EYS: variants seen among roughly 807,000 people sequenced by gnomAD.
EYS encodes EGF-like photoreceptor maintenance factor.
EYS carries 250 observed loss-of-function variants against 282.1 expected under a neutral mutation model. The ratio of observed to expected loss-of-function variants is 0.89; its 90% CI spans 0.80 to 0.98. EYS has a LOEUF of 0.98. Ranked by LOEUF, EYS falls within the 50% of genes least tolerant of loss-of-function variation. The probability of loss-of-function intolerance (pLI) is 0.00; values close to 1 mark genes in which losing one functional copy is unlikely to be tolerated. For synonymous variants in EYS, 1,355 were observed against 1,282.9 expected, an observed-to-expected ratio of 1.06 and a Z score of -1.20; for missense variants, 4,016 against 3,709.0, an observed-to-expected ratio of 1.08 and a Z score of -2.15.
At chr6:65,400,890 TA>T (rs1766468882) in intron 7 of EYS, among the ~76,000 whole-genome samples, 1 of 151,934 alleles carries the variant, frequency 6.6e-6, no homozygotes, top group Non-Finnish European at 1.5e-5. Flanking sequence ...TTGGAAGGTA[TA>T]AGACAATTTC....
intron 31 of EYS, among the ~76,000 whole-genome samples, chr6:64,098,439 A>G (rs759374422): frequency 1.3e-5 from 2 of 152,122 alleles, no homozygotes; most frequent in Non-Finnish European, 2.9e-5. Context: ...ATTTACATAA[A>G]TTTTTAGAAA....
chr6:64,740,763 G>A (rs1274269726), intron 22 of EYS, among the ~76,000 whole-genome samples: 1 of 149,828 alleles, frequency 6.7e-6, no homozygotes, highest in Non-Finnish European at 1.5e-5. Context: ...ACCCAGGCTG[G>A]AGTGCAGTGG....
intron 29 of EYS, among the ~76,000 whole-genome samples, chr6:64,336,519 T>A (rs558513957): frequency 6.6e-6 from 1 of 152,096 alleles, no homozygotes; most frequent in Admixed American, 6.5e-5. Context: ...AGCAACACAA[T>A]AATTGTGGGG....
At chr6:64,222,549 T>G (rs1766134764) in intron 31 of EYS, among the ~76,000 whole-genome samples, 1 of 152,056 alleles carries the variant, frequency 6.6e-6, no homozygotes, top group African/African-American at 2.4e-5. Context: ...AACTAGAGAA[T>G]AGTATTTTCT....
At chr6:64,428,309 C>G (rs1042608430) in intron 28 of EYS, among the ~76,000 whole-genome samples, 2 of 152,018 alleles carry the variant, frequency 1.3e-5, no homozygotes, top group Non-Finnish European at 2.9e-5. Context: ...AAATTATAAA[C>G]TATCCACTTT....
intron 10 of EYS, among the ~76,000 whole-genome samples, chr6:65,339,937 A>G (rs926854477): frequency 6.6e-6 from 1 of 151,172 alleles, no homozygotes; most frequent in African/African-American, 2.4e-5. Flanking sequence ...AGTACATCCT[A>G]TAAGAAAAAA....
At chr6:64,547,992 C>G (rs189146788) in intron 26 of EYS, among the ~76,000 whole-genome samples, 1 of 152,350 alleles carries the variant, frequency 6.6e-6, no homozygotes, top group Admixed American at 6.5e-5. Flanking sequence ...CCAGCCAAGC[C>G]CATGCCCACC....
chr6:65,612,525 C>T (rs1262560451), intron 2 of EYS, among the ~76,000 whole-genome samples: 1 of 151,744 alleles, frequency 6.6e-6, no homozygotes, highest in East Asian at 1.9e-4. Context: ...TAGAAATATT[C>T]TCATGAACAA....
intron 35 of EYS, among the ~76,000 whole-genome samples, chr6:63,902,335 G>T (rs1054351940): frequency 1.3e-5 from 2 of 152,080 alleles, no homozygotes; most frequent in African/African-American, 4.8e-5. Context: ...AGACATTATA[G>T]ATAAATAAAG....
At chr6:64,299,093 G>T (rs1031588736) in intron 30 of EYS, among the ~76,000 whole-genome samples, 2 of 152,160 alleles carry the variant, frequency 1.3e-5, no homozygotes, top group African/African-American at 4.8e-5. Flanking sequence ...TAAGGATAGG[G>T]TTATGGGTGA....
intron 31 of EYS, among the ~76,000 whole-genome samples, chr6:64,178,360 T>C (rs894450753): frequency 6.6e-6 from 1 of 152,126 alleles, no homozygotes; most frequent in Non-Finnish European, 1.5e-5. Context: ...GGTTTAGTTA[T>C]ATGAAGACAA....
At chr6:65,663,325 G>A (rs189977615) in intron 1 of EYS, among the ~76,000 whole-genome samples, 7 of 152,202 alleles carry the variant, frequency 4.6e-5, no homozygotes, top group Admixed American at 3.9e-4. Flanking sequence ...CAAACCCTTA[G>A]AAAGATTGTT....
At chr6:65,601,376 T>G (rs1765611512) in intron 2 of EYS, among the ~76,000 whole-genome samples, 1 of 151,884 alleles carries the variant, frequency 6.6e-6, no homozygotes, top group Admixed American at 6.6e-5. Flanking sequence ...AAATCCCTCT[T>G]ATCAGTCCCC....
intron 12 of EYS, among the ~76,000 whole-genome samples, chr6:65,187,422 G>C (rs907036849): frequency 6.6e-6 from 1 of 151,606 alleles, no homozygotes; most frequent in African/African-American, 2.4e-5. Context: ...ACTGATTTTA[G>C]AAAGTCAAAC....
intron 29 of EYS, among the ~76,000 whole-genome samples, chr6:64,338,348 G>C (rs1367595712): frequency 6.6e-6 from 1 of 151,090 alleles, no homozygotes; most frequent in Non-Finnish European, 1.5e-5. Context: ...ACCAAGCAAA[G>C]AATCAAATCA....
chr6:63,820,148 T>C (rs1442447946), intron 36 of EYS, among the ~76,000 whole-genome samples: 1 of 152,222 alleles, frequency 6.6e-6, no homozygotes, highest in Non-Finnish European at 1.5e-5. Flanking sequence ...GTAATTTATA[T>C]CATTGCTCTT....
intron 20 of EYS, 39 bp from the exon 21 acceptor site, chr6:64,821,762 G>C (rs1250615750): frequency 8.4e-7 from 1 of 1,188,762 alleles, no homozygotes; most frequent in Admixed American, 2.2e-5. Flanking sequence ...CAAATAAGTA[G>C]ATGTTAAAGC....
chr6:64,950,862 G>A (rs1469085657), intron 14 of EYS, among the ~76,000 whole-genome samples: 2 of 125,588 alleles, frequency 1.6e-5, no homozygotes, highest in Non-Finnish European at 3.2e-5. Context: ...AACAACTGAA[G>A]TTGACTAGAT....
intron 34 of EYS, among the ~76,000 whole-genome samples, chr6:63,993,458 A>G (rs1193603639): frequency 6.6e-6 from 1 of 151,978 alleles, no homozygotes; most frequent in Non-Finnish European, 1.5e-5. Flanking sequence ...AAAAACTGTT[A>G]GAGCCAACAA....
Sources: gnomAD v4.1 joint callset for allele counts (sites outside exome capture counted in the v4.1 genomes callset) on GRCh38, gnomAD v4.1.1 for gene constraint, MANE v1.5 for transcripts, NCBI Gene and HGNC (gene_info 2026-07-23, HGNC 2026-07-21) for gene names.